ANKRD46: variants seen among roughly 807,000 people sequenced by gnomAD.
The protein encoded by ANKRD46 is ankyrin repeat domain 46.
In ANKRD46, 13 loss-of-function variants were observed where a neutral mutation model predicts 19.8. The observed-to-expected ratio is 0.66, with a 90% confidence interval of 0.43 to 1.04. The LOEUF is 1.04. Among genes scored for constraint, ANKRD46 ranks in the 50% least tolerant of loss-of-function variants. The pLI, the probability that ANKRD46 is intolerant of heterozygous loss-of-function variation, is 0.00. For missense variants in ANKRD46, 185 were observed against 274.8 expected, an observed-to-expected ratio of 0.67 and a Z score of 2.31; for synonymous variants, 91 against 106.9, an observed-to-expected ratio of 0.85 and a Z score of 0.92.
intron 1 of ANKRD46, chr8:100,551,197 A>C (rs904392687): frequency 4.5e-6 from 2 of 445,502 alleles, no homozygotes; most frequent in East Asian, 5.0e-5. Context: ...TGTGGTCACA[A>C]GTCCTTCCAC....
intron 1 of ANKRD46, among the ~76,000 whole-genome samples, chr8:100,535,807 G>T (rs1034148214): frequency 6.6e-6 from 1 of 152,178 alleles, no homozygotes; most frequent in East Asian, 1.9e-4. Context: ...TTCATCTACT[G>T]AAGGACATCT....
Position 100,511,710 on chromosome 8 carries a change from T to C in ANKRD46, c.637-1071A>G, listed in dbSNP as rs1811549932. On this transcript the variant is annotated intron_variant, in intron 5 of 5. Transcript: ENST00000520552. This position sits in a 1 kb window ranked among gnomAD's most constrained non-coding sequence, Gnocchi z 4.1. ...CAAAGTTAGGCTGTTGGCTGAGTCA[T>C]TAGGGCTCCATTAAAGACAATGAAG... is the stretch of plus-strand genomic sequence containing the variant. 6.6e-6 allele frequency among the ~76,000 whole-genome samples: 1 copy of C among 152,194 alleles called. No individual in the cohort carries two copies. Among genetic ancestry groups the C allele is most frequent in the Non-Finnish European group, 1.5e-5 (1 of 68,028 alleles).
intron 1 of ANKRD46, among the ~76,000 whole-genome samples, chr8:100,535,078 T>C (rs1243849677): frequency 2.0e-5 from 3 of 152,220 alleles, no homozygotes; most frequent in Non-Finnish European, 2.9e-5. Flanking sequence ...GCCATTTTCT[T>C]TGGATATTAC....
rs186270317 is a variant in ANKRD46 at position 100,521,459 on chromosome 8, T to C, written c.*1096A>G. ...AAACATACTGCTGAAAGCTGCAATA[T>C]AGTTTGAGGGCCAGATTTCAATTTA... On this transcript the variant is annotated 3_prime_UTR_variant, in exon 5 of 5. Transcript: ENST00000335659. The C allele has an allele frequency of 1.7e-4, 168 of 985,380 alleles. No individual in the cohort carries two copies. The African/African-American group carries it at 2.1e-3, about 12-fold the overall frequency. 61.0% of individuals were successfully genotyped at this position (985,380 alleles called of 1,614,324 possible). A position where few individuals can be genotyped will look rare whatever the true frequency, so the allele number is the denominator to read the frequency against.
chr8:100,524,503 CTTTT>C lies in ANKRD46; in HGVS notation c.471-1736_471-1733del, dbSNP rs36068309. Among the ~76,000 whole-genome samples the C allele has an allele frequency of 4.7e-5, 7 of 148,544 alleles. No homozygotes were observed. The highest frequency in any genetic ancestry group is 1.7e-4 in the African/African-American group (7 of 40,376). Reference sequence around the variant, plus strand: ...TGGGCCAGTCTGCTTAACACCCAAACTTTTTTTTTTTTAATAATTAAAACATGTT... The same window carrying C: ...TGGGCCAGTCTGCTTAACACCCAAACTTTTTTTTAATAATTAAAACATGTT... On this transcript the variant is annotated intron_variant, in intron 4 of 4. Transcript: ENST00000335659. The surrounding 1 kb of genome is among the most constrained non-coding windows in gnomAD (Gnocchi z 4.3).
In ANKRD46 at chr8:100,532,162, T is replaced by C. The variant is rs1397356805; in HGVS notation, c.-28+1047A>G. On this transcript the variant is annotated intron_variant, in intron 2 of 4. Coordinates refer to ENST00000335659, the MANE Select transcript of ANKRD46 (RefSeq NM_001270377.2). The surrounding 1 kb of genome is among the most constrained non-coding windows in gnomAD (Gnocchi z 4.7). The stretch of plus-strand genomic sequence containing the variant: ...AAAATAAACTTCAGATTATGATACA[T>C]ATGATGACTTTTTAAAAATCTGGCT... Among the ~76,000 whole-genome samples the C allele has an allele frequency of 1.3e-5, 2 of 152,162 alleles. No individual in the cohort carries two copies. Among genetic ancestry groups the C allele is most frequent in the African/African-American group, 2.4e-5 (1 of 41,434 alleles).
chr8:100,546,231 A>T lies in ANKRD46; in HGVS notation c.-130-12920T>A, dbSNP rs1383482977. Among the ~76,000 whole-genome samples, 1 of 152,242 alleles carries T rather than the reference A, an allele frequency of 6.6e-6. No homozygotes were observed. Among genetic ancestry groups the T allele is most frequent in the Non-Finnish European group, 1.5e-5 (1 of 68,034 alleles). ...AAAATTTCCCCAAGGCATGTCAGAG[A>T]TCTTCATGGCAGCCCCTCCCATCAC... On this transcript the variant is annotated intron_variant, in intron 1 of 4. Coordinates refer to ENST00000335659, the MANE Select transcript of ANKRD46 (RefSeq NM_001270377.2). This position sits in a 1 kb window ranked among gnomAD's most constrained non-coding sequence, Gnocchi z 4.0.
rs553301209 is a variant in ANKRD46 at position 100,558,803 on chromosome 8, T to C, written c.-131+908A>G. ...AAGTCAGACTCTCGGTGCCTCAGTT[T>C]CCTTATCTGTATAATGGAAATGGTA... On this transcript the variant is annotated intron_variant, in intron 1 of 4. Transcript: ENST00000335659. Among the ~76,000 whole-genome samples the C allele has an allele frequency of 3.3e-5, 5 of 152,304 alleles. No individual in the cohort carries two copies. In the South Asian group the frequency reaches 1.0e-3, roughly 32 times the overall value.
chr8:100,535,982 T>G (rs1812057532), intron 1 of ANKRD46, among the ~76,000 whole-genome samples: 1 of 152,016 alleles, frequency 6.6e-6, no homozygotes, highest in Non-Finnish European at 1.5e-5. Flanking sequence ...AGATGTCTAT[T>G]TCCCCCATTC....
intron 1 of ANKRD46, among the ~76,000 whole-genome samples, chr8:100,549,911 A>G (rs1391805906): frequency 1.3e-5 from 2 of 152,184 alleles, no homozygotes; most frequent in African/African-American, 4.8e-5. Flanking sequence ...CTTTTCCAGA[A>G]TGTCATATAA....
At position 100,545,566 on chromosome 8, in the gene ANKRD46, A is replaced by C. The variant is rs905768168; in HGVS notation, c.-130-12255T>G. ...TTTGTTTATAAATTACCCAGCCTCA[A>C]GTAGTAACTTTATAGCAGTGTGAAA... On this transcript the variant is annotated intron_variant, in intron 1 of 4. Coordinates refer to ENST00000335659, the MANE Select transcript of ANKRD46 (RefSeq NM_001270377.2). The surrounding 1 kb of genome is among the most constrained non-coding windows in gnomAD (Gnocchi z 4.7). 6.6e-6 allele frequency among the ~76,000 whole-genome samples: 1 copy of C among 152,228 alleles called. No individual in the cohort carries two copies. The highest frequency in any genetic ancestry group is 1.5e-5 in the Non-Finnish European group (1 of 68,040).
In ANKRD46 at chr8:100,529,020, G is replaced by A. The variant is rs1050082893; in HGVS notation, c.311+503C>T. Among the ~76,000 whole-genome samples the A allele has an allele frequency of 3.7e-4, 56 of 152,298 alleles. No homozygotes were observed. The highest frequency in any genetic ancestry group is 1.3e-3 in the African/African-American group (52 of 41,572). The stretch of plus-strand genomic sequence containing the variant: ...TCACATGGTGCGTTACATGACAGAA[G>A]GCACACAAGCGTTAGAGTCAGCGGA... On this transcript the variant is annotated intron_variant, in intron 3 of 4. Coordinates refer to ENST00000335659, the MANE Select transcript of ANKRD46 (RefSeq NM_001270377.2). This position sits in a 1 kb window ranked among gnomAD's most constrained non-coding sequence, Gnocchi z 5.8.
chr8:100,552,663 T>G (rs565071607), intron 1 of ANKRD46, among the ~76,000 whole-genome samples: 12 of 152,380 alleles, frequency 7.9e-5, no homozygotes, highest in Admixed American at 5.2e-4. Flanking sequence ...TAAAACTCTT[T>G]GCTTGGAATG....
chr8:100,547,427 GGGATTCTAA>G lies in ANKRD46; in HGVS notation c.-131+12275_-131+12283del, dbSNP rs1416751061. Among the ~76,000 whole-genome samples the G allele has an allele frequency of 7.2e-5, 11 of 152,262 alleles. No individual in the cohort carries two copies. The East Asian group carries it at 9.7e-4, about 13-fold the overall frequency. ...CCTTGCTTACCTTTCACCTTCCACA[GGGATTCTAA>G]GTTTCCCGAGGCCTCCCCAGCCATG... On this transcript the variant is annotated intron_variant, in intron 1 of 4. Coordinates refer to ENST00000335659, the MANE Select transcript of ANKRD46 (RefSeq NM_001270377.2).
Position 100,524,091 on chromosome 8 carries a change from G to GT in ANKRD46, c.471-1321dup, listed in dbSNP as rs2130645263. Reference sequence around the variant, plus strand: ...AAATACCATAAAAACACTGATTCTGGTTTTCAGAACTTTATCAATGAGAAA... The same window carrying GT: ...AAATACCATAAAAACACTGATTCTGGTTTTTCAGAACTTTATCAATGAGAAA... On this transcript the variant is annotated intron_variant, in intron 4 of 4. Coordinates refer to ENST00000335659, the MANE Select transcript of ANKRD46 (RefSeq NM_001270377.2). This position sits in a 1 kb window ranked among gnomAD's most constrained non-coding sequence, Gnocchi z 4.3. Among the ~76,000 whole-genome samples, 1 of 152,284 alleles carries GT rather than the reference G, an allele frequency of 6.6e-6. No individual in the cohort carries two copies. The highest frequency in any genetic ancestry group is 1.9e-4 in the East Asian group (1 of 5,186).
intron 1 of ANKRD46, among the ~76,000 whole-genome samples, chr8:100,538,219 A>C (rs1035036077): frequency 8.3e-6 from 1 of 119,998 alleles, no homozygotes; most frequent in African/African-American, 3.3e-5. Flanking sequence ...GCATTGTAAA[A>C]ATTTTTAGGA....
rs756386709 is a variant in ANKRD46 at position 100,559,435 on chromosome 8, C to T, written c.-131+276G>A. On this transcript the variant is annotated intron_variant, in intron 1 of 4. Transcript: ENST00000335659. This position sits in a 1 kb window ranked among gnomAD's most constrained non-coding sequence, Gnocchi z 6.0. The stretch of plus-strand genomic sequence containing the variant: ...CTGCCCGCGCTGCCCAGGGGTTCCC[C>T]GGACCACAGCCCTAACCCGCAAGCG... 6.6e-6 allele frequency: 1 copy of T among 152,448 alleles called. No individual in the cohort carries two copies. Among genetic ancestry groups the T allele is most frequent in the Admixed American group, 6.5e-5 (1 of 15,288 alleles). The allele number at this position is 152,448 out of a possible 1,614,324, so 9.4% of individuals were successfully genotyped here.
In ANKRD46 at chr8:100,532,284, T is replaced by C. The variant is rs979671255; in HGVS notation, c.-28+925A>G. The C allele has an allele frequency of 1.3e-5, 2 of 151,960 alleles. No individual in the cohort carries two copies. The highest frequency in any genetic ancestry group is 2.1e-4 in the South Asian group (1 of 4,812). 9.4% of individuals were successfully genotyped at this position (151,960 alleles called of 1,614,324 possible). On this transcript the variant is annotated intron_variant, in intron 2 of 4. Coordinates refer to ENST00000335659, the MANE Select transcript of ANKRD46 (RefSeq NM_001270377.2). The surrounding 1 kb of genome is among the most constrained non-coding windows in gnomAD (Gnocchi z 4.7). The stretch of plus-strand genomic sequence containing the variant: ...GAGTTCGAAACTAGCCTGGGCAACA[T>C]AGCGAGAGACCCTGTCTCTATAAAA...
chr8:100,555,376 A>G (rs1474822804), intron 1 of ANKRD46, among the ~76,000 whole-genome samples: 3 of 151,928 alleles, frequency 2.0e-5, no homozygotes, highest in Non-Finnish European at 4.4e-5. Context: ...AATTACTTAC[A>G]ATAAGAAAAT....
Sources: allele counts gnomAD v4.1 joint callset (sites outside exome capture counted in the v4.1 genomes callset), GRCh38; gene constraint gnomAD v4.1.1; non-coding constraint Gnocchi (gnomAD v3.1); transcripts MANE v1.5; gene names NCBI Gene and HGNC (gene_info 2026-07-23, HGNC 2026-07-21).